Variants in METTL21A observed in about 807,000 individuals in gnomAD.
The protein encoded by METTL21A is protein N-lysine methyltransferase METTL21A.
A neutral mutation model predicts 20.9 loss-of-function variants in METTL21A; 22 were observed. That is an observed-to-expected ratio of 1.05 (90% CI 0.75 to 1.50). The LOEUF is 1.50. METTL21A is among the 40% of genes most tolerant of loss of function. The pLI, the probability that METTL21A is intolerant of heterozygous loss-of-function variation, is 0.00. For synonymous variants in METTL21A, 93 were observed against 102.0 expected (o/e 0.91, Z 0.53); for missense variants, 271 against 266.8 (o/e 1.02, Z -0.11).
At chr2:207,589,783 C>T (rs1442657845) in intron 3 of METTL21A, among the ~76,000 whole-genome samples, 1 of 152,126 alleles carries the variant, frequency 6.6e-6, no homozygotes, top group African/African-American at 2.4e-5. Context: ...TTGAGATATG[C>T]ATGCATTCCT....
chr2:207,600,246 T>TATATATATATATATAC, intron 3 of METTL21A: 1 of 161,172 alleles, frequency 6.2e-6, no homozygotes. Context: ...TACATATATA[T>TATATATATATATATAC]ATATATATAT....
At chr2:207,593,914 T>G (rs2085587660) in intron 3 of METTL21A, among the ~76,000 whole-genome samples, 1 of 152,052 alleles carries the variant, frequency 6.6e-6, no homozygotes, top group African/African-American at 2.4e-5. Flanking sequence ...AGACAGAGTT[T>G]CGCCATGTTG....
chr2:207,582,751 G>A (rs527719778), intron 3 of METTL21A: 31 of 190,910 alleles, frequency 1.6e-4, no homozygotes, highest in Admixed American at 1.2e-3. Flanking sequence ...AAATTTAGCC[G>A]GGGTGGTGGT....
downstream of METTL21A, chr2:207,580,919 C>T (rs2106609525): frequency 9.2e-6 from 2 of 217,428 alleles, no homozygotes; most frequent in East Asian, 6.8e-5. Flanking sequence ...TTTTGGTGAA[C>T]GTTACATCTA....
At chr2:207,602,241 T>A (rs1372002118) in intron 3 of METTL21A, 5 of 185,402 alleles carry the variant, frequency 2.7e-5, no homozygotes, top group Non-Finnish European at 5.7e-5. Context: ...AAGAAAAATT[T>A]AAAAAATATA....
At chr2:207,613,497 G>A in intron 3 of METTL21A, 54 bp from the exon 4 acceptor site, 2 of 1,479,738 alleles carry the variant, frequency 1.4e-6, no homozygotes, top group Non-Finnish European at 1.8e-6. Flanking sequence ...ATTCTGTTAG[G>A]TAGAGAGGGG....
At chr2:207,593,876 C>T (rs1041074715) in intron 3 of METTL21A, among the ~76,000 whole-genome samples, 1 of 151,932 alleles carries the variant, frequency 6.6e-6, no homozygotes, top group Non-Finnish European at 1.5e-5. Context: ...CTGCCACCAT[C>T]CCCAGCTAAT....
At chr2:207,592,179 A>C (rs769322923) in intron 3 of METTL21A, among the ~76,000 whole-genome samples, 1 of 152,114 alleles carries the variant, frequency 6.6e-6, no homozygotes, top group Non-Finnish European at 1.5e-5. Context: ...AGGCTGAGGT[A>C]GGCGGATCAC....
chr2:207,614,050 T>G (rs1326668618), intron 3 of METTL21A, among the ~76,000 whole-genome samples: 4 of 152,144 alleles, frequency 2.6e-5, no homozygotes, highest in African/African-American at 9.7e-5. Flanking sequence ...CTTTATTCAT[T>G]GGGTCATTAT....
At chr2:207,604,736 A>T (rs1267176059), downstream of METTL21A, among the ~76,000 whole-genome samples, 2 of 151,792 alleles carry the variant, frequency 1.3e-5, no homozygotes, top group African/African-American at 4.8e-5. Context: ...GTTACTCTCC[A>T]TTTTCTCCTC....
chr2:207,612,023 A>T (rs1575111707), downstream of METTL21A: 1 of 125,448 alleles, frequency 8.0e-6, no homozygotes, highest in Admixed American at 8.5e-5. Context: ...AATGATCAAT[A>T]AAAAAAAAAT....
At chr2:207,589,574 A>ATG (rs948160622) in intron 3 of METTL21A, among the ~76,000 whole-genome samples, 4 of 152,188 alleles carry the variant, frequency 2.6e-5, no homozygotes, top group Admixed American at 1.3e-4. Context: ...ACCTTAAGTA[A>ATG]TGTAATAGCT....
At chr2:207,621,327 T>C (rs749587835) in intron 3 of METTL21A, among the ~76,000 whole-genome samples, 16 of 152,220 alleles carry the variant, frequency 1.1e-4, no homozygotes, top group Non-Finnish European at 2.2e-4. Context: ...GTACAAACTA[T>C]AGTGGGGGCT....
At chr2:207,596,430 TG>T (rs1455574022) in intron 3 of METTL21A, among the ~76,000 whole-genome samples, 4 of 152,212 alleles carry the variant, frequency 2.6e-5, no homozygotes, top group African/African-American at 7.2e-5. Context: ...TTTATGGAGT[TG>T]TTTTTTTGTT....
intron 3 of METTL21A, among the ~76,000 whole-genome samples, chr2:207,591,703 G>T (rs936079355): frequency 6.6e-6 from 1 of 152,118 alleles, no homozygotes; most frequent in African/African-American, 2.4e-5. Context: ...AAAGTGCTGG[G>T]ATTACAGGCG....
chr2:207,606,444 T>A (rs967692580), downstream of METTL21A, among the ~76,000 whole-genome samples: 1 of 152,168 alleles, frequency 6.6e-6, no homozygotes, highest in Non-Finnish European at 1.5e-5. Flanking sequence ...ATTGCGCCAT[T>A]GCACTCCAGC....
intron 3 of METTL21A, chr2:207,582,894 AAAACAAAC>A (rs200290994): frequency 1.0e-5 from 3 of 297,344 alleles, no homozygotes; most frequent in East Asian, 1.4e-4. Flanking sequence ...CTGTCTCAAA[AAAACAAAC>A]AAACAAACAA....
chr2:207,604,634 GAACA>G (rs1463936151), downstream of METTL21A, among the ~76,000 whole-genome samples: 2 of 152,136 alleles, frequency 1.3e-5, no homozygotes, highest in South Asian at 2.1e-4. Flanking sequence ...CTTTTTAAGT[GAACA>G]ATTAAGTGGT....
At chr2:207,604,205 T>G (rs1440886225), downstream of METTL21A, among the ~76,000 whole-genome samples, 1 of 152,218 alleles carries the variant, frequency 6.6e-6, no homozygotes, top group Non-Finnish European at 1.5e-5. Flanking sequence ...GGCACTGAAG[T>G]GACAAGACCA....
Sources: allele counts gnomAD v4.1 joint callset (sites outside exome capture counted in the v4.1 genomes callset), GRCh38; gene constraint gnomAD v4.1.1; transcripts MANE v1.5; gene names NCBI Gene and HGNC (gene_info 2026-07-23, HGNC 2026-07-21).